The following HPSE2 variants were observed in gnomAD, a reference collection of about 807,000 sequenced individuals.
HPSE2 encodes inactive heparanase-2.
A neutral mutation model predicts 60.5 loss-of-function variants in HPSE2; 38 were observed. The ratio of observed to expected loss-of-function variants is 0.63; its 90% CI spans 0.48 to 0.82. HPSE2 has a LOEUF of 0.82. Ranked by LOEUF, HPSE2 falls within the 40% of genes least tolerant of loss-of-function variation. The pLI is 0.00. For synonymous variants in HPSE2, 295 were observed against 293.2 expected (o/e 1.01, Z -0.06); for missense variants, 713 against 740.4 (o/e 0.96, Z 0.43).
chr10:98,537,289 G>C (rs1333994582), intron 9 of HPSE2, among the ~76,000 whole-genome samples: 2 of 152,190 alleles, frequency 1.3e-5, no homozygotes, highest in African/African-American at 4.8e-5. Context: ...TTTATGTCCA[G>C]CAGAAAGCTG....
chr10:98,925,568 A>G (rs1006905405), intron 3 of HPSE2, among the ~76,000 whole-genome samples: 1 of 152,182 alleles, frequency 6.6e-6, no homozygotes, highest in African/African-American at 2.4e-5. Context: ...TGTTCCCTCA[A>G]TATCAACCAA....
At chr10:98,976,354 T>G (rs1371543221) in intron 3 of HPSE2, among the ~76,000 whole-genome samples, 1 of 152,212 alleles carries the variant, frequency 6.6e-6, no homozygotes, top group Non-Finnish European at 1.5e-5. Flanking sequence ...ATGTATTAGC[T>G]CATTTAATCC....
chr10:98,679,730 C>G (rs900459098), intron 6 of HPSE2, among the ~76,000 whole-genome samples: 1 of 152,044 alleles, frequency 6.6e-6, no homozygotes, highest in Non-Finnish European at 1.5e-5. Flanking sequence ...TGCTCTGTTG[C>G]CCAGGATGGA....
chr10:98,801,705 A>G (rs544089388), intron 3 of HPSE2, among the ~76,000 whole-genome samples: 77 of 152,308 alleles, frequency 5.1e-4, no homozygotes, highest in African/African-American at 1.6e-3. Context: ...ACACAAAAAA[A>G]TGAAAAGATA....
chr10:98,749,947 T>TACAC (rs113721855), intron 3 of HPSE2, among the ~76,000 whole-genome samples: 34 of 98,422 alleles, frequency 3.5e-4, no homozygotes, highest in African/African-American at 6.3e-4. Flanking sequence ...TATATATATA[T>TACAC]ACACACACAC....
In HPSE2 at chr10:98,933,809, G is replaced by A. The variant is rs1954710960; in HGVS notation, c.611-189753C>T. Among the ~76,000 whole-genome samples, 2 of 139,360 alleles carry A rather than the reference G, an allele frequency of 1.4e-5. 1 individual carries two copies. Among genetic ancestry groups the A allele is most frequent in the African/African-American group, 6.1e-5 (2 of 32,870 alleles). The allele number at this position is 139,360 out of a possible 152,430, so 91.4% of individuals were successfully genotyped here. On this transcript the variant is annotated intron_variant, in intron 3 of 11. Coordinates refer to ENST00000370552, the MANE Select transcript of HPSE2 (RefSeq NM_021828.5). ...TGCAACAGTGTGATCTCGGCTCACT[G>A]CAAGCTCCGCCTCCTGGGTTCACGC... is the stretch of plus-strand genomic sequence containing the variant.
At chr10:98,533,247 A>G (rs1943184148) in intron 9 of HPSE2, among the ~76,000 whole-genome samples, 1 of 152,242 alleles carries the variant, frequency 6.6e-6, no homozygotes. Flanking sequence ...CTGTAATGTC[A>G]GGAAGCATCA....
intron 4 of HPSE2, among the ~76,000 whole-genome samples, chr10:98,723,396 G>A (rs1948980764): frequency 6.6e-6 from 1 of 152,054 alleles, no homozygotes; most frequent in Non-Finnish European, 1.5e-5. Context: ...TTGCATCAAT[G>A]TTCATCAGGG....
intron 9 of HPSE2, among the ~76,000 whole-genome samples, chr10:98,550,037 C>A (rs969915613): frequency 2.6e-5 from 4 of 152,218 alleles, no homozygotes; most frequent in Admixed American, 2.6e-4. Flanking sequence ...CTTAAAAACT[C>A]AGCTTATTCA....
intron 3 of HPSE2, among the ~76,000 whole-genome samples, chr10:99,017,605 A>G (rs1957171634): frequency 6.6e-6 from 1 of 152,060 alleles, no homozygotes. Context: ...AATTAGTACC[A>G]GTTCTTCTTT....
chr10:98,990,031 CA>C (rs1165943115), intron 3 of HPSE2, among the ~76,000 whole-genome samples: 4 of 152,150 alleles, frequency 2.6e-5, no homozygotes, highest in African/African-American at 9.6e-5. Flanking sequence ...GAGGCGCAAA[CA>C]AAAGAAGTAA....
In HPSE2 at chr10:99,232,514, G is replaced by T. The variant is rs752830448; in HGVS notation, c.291-9C>A. ...TCACCAAGCGCTTGGAGCTGCAGAGGAAGAGAATAAGAGAGGAAAGGTTCC... is the reference window on the plus strand; with the variant it reads ...TCACCAAGCGCTTGGAGCTGCAGAGTAAGAGAATAAGAGAGGAAAGGTTCC... On this transcript the variant is annotated splice_polypyrimidine_tract_variant and intron_variant, in intron 1 of 11. Transcript: ENST00000370552. The T allele has an allele frequency of 6.4e-7, 1 of 1,551,756 alleles. No homozygotes were observed. The highest frequency in any genetic ancestry group is 8.7e-7 in the Non-Finnish European group (1 of 1,147,950).
At chr10:98,482,363 A>C (rs112283144) in intron 11 of HPSE2, among the ~76,000 whole-genome samples, 37 of 152,330 alleles carry the variant, frequency 2.4e-4, no homozygotes, top group Admixed American at 7.8e-4. Flanking sequence ...AGTTGTGTAT[A>C]ACGAAGAATC....
intron 3 of HPSE2, among the ~76,000 whole-genome samples, chr10:98,959,498 T>C (rs1442497774): frequency 6.6e-6 from 1 of 152,094 alleles, no homozygotes; most frequent in African/African-American, 2.4e-5. Context: ...ACAGCATTTA[T>C]CTTGGATTTT....
chr10:98,919,363 C>T (rs999676488), intron 3 of HPSE2, among the ~76,000 whole-genome samples: 6 of 152,098 alleles, frequency 3.9e-5, no homozygotes, highest in African/African-American at 7.2e-5. Context: ...TGCCATGCTA[C>T]GGAGCTTGGA....
chr10:98,875,078 A>G lies in HPSE2; in HGVS notation c.611-131022T>C, dbSNP rs529498419. The stretch of plus-strand genomic sequence containing the variant: ...ATATTGGCCCACATTAGAAAGCTAG[A>G]AAGATCTCAAATTGACACCCTAACA... On this transcript the variant is annotated intron_variant, in intron 3 of 11. Coordinates refer to ENST00000370552, the MANE Select transcript of HPSE2 (RefSeq NM_021828.5). Among the ~76,000 whole-genome samples, 100 of 152,006 alleles carry G rather than the reference A, an allele frequency of 6.6e-4. No homozygotes were observed. The Middle Eastern group carries it at 0.01, about 16-fold the overall frequency.
chr10:98,629,339 GT>G (rs1026222958), intron 7 of HPSE2, among the ~76,000 whole-genome samples: 4 of 152,190 alleles, frequency 2.6e-5, no homozygotes, highest in African/African-American at 9.7e-5. Flanking sequence ...TACAGAGTTG[GT>G]TACAAAGAGC....
the HPSE2 span, among the ~76,000 whole-genome samples, chr10:99,274,624 T>C: frequency 3.3e-5 from 5 of 152,168 alleles, no homozygotes; most frequent in Middle Eastern, 3.4e-3. Flanking sequence ...TTGACTGTCA[T>C]ATACGTTAAA....
chr10:99,269,647 A>G, the HPSE2 span, among the ~76,000 whole-genome samples: 1 of 152,218 alleles, frequency 6.6e-6, no homozygotes, highest in Non-Finnish European at 1.5e-5. Flanking sequence ...ATGTTTCAGA[A>G]CATTCTACCC....
Sources: gnomAD v4.1 joint callset for allele counts (sites outside exome capture counted in the v4.1 genomes callset) on GRCh38, gnomAD v4.1.1 for gene constraint, MANE v1.5 for transcripts, NCBI Gene and HGNC (gene_info 2026-07-23, HGNC 2026-07-21) for gene names.